Variants in TTN observed in about 807,000 individuals in gnomAD.
TTN encodes connectin.
Under a neutral mutation model 3,223.0 loss-of-function variants are expected in TTN, and 1,525 were observed. That is an observed-to-expected ratio of 0.47 (90% CI 0.45 to 0.49). The LOEUF is 0.49. Ranked by LOEUF, TTN falls within the 20% of genes least tolerant of loss-of-function variation. The pLI is 0.00. For synonymous variants in TTN, 14,094 were observed against 15,161.0 expected, an observed-to-expected ratio of 0.93 and a Z score of 5.17; for missense variants, 40,786 against 43,424.0, an observed-to-expected ratio of 0.94 and a Z score of 5.40.
rs1479314545 is a variant in TTN, at chr2:178,749,783, T to C, written c.11311+3341A>G. On this transcript the variant is annotated intron_variant, in intron 47 of 362. Transcript: ENST00000589042. ...GTGGCTACAATTAACTTCTTCAAAC[T>C]GAAACTTCTGGTTCTGCTTTAAAAG... 3.7e-6 allele frequency: 6 copies of C among 1,613,112 alleles called. No individual in the cohort carries two copies. The highest frequency in any genetic ancestry group is 5.1e-6 in the Non-Finnish European group (6 of 1,179,412).
chr2:178,542,210 G>A lies in TTN; in HGVS notation c.97492+54C>T. 8 of 1,499,444 alleles carry A rather than the reference G, an allele frequency of 5.3e-6. No homozygotes were observed. In the South Asian group the frequency reaches 6.4e-5, roughly 12 times the overall value. The allele number at this position is 1,499,444 out of a possible 1,614,324, so 92.9% of individuals were successfully genotyped here. A position where few individuals can be genotyped will look rare whatever the true frequency, so the allele number is the denominator to read the frequency against. The stretch of plus-strand genomic sequence containing the variant: ...GCATATTAAAAACAAATTCTTTTTT[G>A]TTAACATTCAGAATCAGAGGTGGGG... On this transcript the variant is annotated intron_variant, in intron 349 of 362. Coordinates refer to ENST00000589042, the MANE Select transcript of TTN (RefSeq NM_001267550.2).
At chr2:178,746,042 C>G in intron 47 of TTN, 1 of 1,613,430 alleles carries the variant, frequency 6.2e-7, no homozygotes, top group Non-Finnish European at 8.5e-7. Flanking sequence ...CACAGCTCTG[C>G]ACCTGTATGT....
chr2:178,573,934 A>G lies in TTN; in HGVS notation c.72198T>C (p.Asp24066=), dbSNP rs752014113. ...RPPPTMEWSK[D]GKELEGTAKL... ...TTGCTGTGCCTTCCAGCTCTTTTCCATCTTTGCTCCATTCCATTGTTGGAG... is the reference window on the plus strand; with the variant it reads ...TTGCTGTGCCTTCCAGCTCTTTTCCGTCTTTGCTCCATTCCATTGTTGGAG... Residue 24066 remains aspartate (D), a synonymous_variant, in exon 326 of 363, where the codon GAT becomes GAC. Coordinates refer to ENST00000589042, the MANE Select transcript of TTN (RefSeq NM_001267550.2). 67 of 1,612,914 alleles carry G rather than the reference A, an allele frequency of 4.2e-5. No homozygotes were observed. Among genetic ancestry groups the G allele is most frequent in the Non-Finnish European group, 5.5e-5 (65 of 1,179,406 alleles).
chr2:178,530,431 G>A lies in TTN; in HGVS notation c.106184C>T (p.Ser35395Leu), dbSNP rs778880594. ...TGTTGACTCAGTGGTTTTCTGATCT[G>A]ATTTCTTAGTTTCTGATATTTTTGA... ...KVSKISETKK[S>L]DQKTTESTVT... The change falls in exon 358 of 363, where the codon TCA (serine) becomes TTA (leucine). Residue 35395 changes from serine (S) to leucine (L), a missense_variant. By Grantham distance (145) the Ser-to-Leu change is moderately radical. Transcript: ENST00000589042. 17 of 1,613,956 alleles carry A rather than the reference G, an allele frequency of 1.1e-5. No homozygotes were observed. The highest frequency in any genetic ancestry group is 9.9e-5 in the South Asian group (9 of 91,072).
chr2:178,680,609 C>G (rs1560328084), intron 138 of TTN, among the ~76,000 whole-genome samples: 1 of 151,802 alleles, frequency 6.6e-6, no homozygotes, highest in Non-Finnish European at 1.5e-5. Flanking sequence ...AAGAAATATC[C>G]TTCCTGAAAA....
Position 178,539,489 on chromosome 2 carries a change from C to T in TTN, c.98576G>A (p.Gly32859Asp), listed in dbSNP as rs370747109. 3 of 1,613,650 alleles carry T rather than the reference C, an allele frequency of 1.9e-6. No individual in the cohort carries two copies. Among genetic ancestry groups the T allele is most frequent in the African/African-American group, 2.7e-5 (2 of 74,858 alleles). ...RVRGTSLVVK[G>D]LKENVEYHFR... ...ATGGTATTCTACATTCTCTTTGAGG[C>T]CTTTTACCACCAGAGATGTACCTCG... is the stretch of plus-strand genomic sequence containing the variant. The change falls in exon 352 of 363, where the codon GGC becomes GAC. Residue 32859 changes from glycine to aspartate, a missense_variant. By Grantham distance (94) the Gly-to-Asp change is moderately conservative. Coordinates refer to ENST00000589042, the MANE Select transcript of TTN (RefSeq NM_001267550.2).
At position 178,560,607 on chromosome 2, in the gene TTN, A is replaced by T. The variant is rs1329788185; in HGVS notation, c.85525T>A (p.Ser28509Thr). Residue 28509 changes from serine (S) to threonine (T), a missense_variant, in exon 326 of 363, where the codon TCC becomes ACC. By Grantham distance (58) the Ser-to-Thr change is moderately conservative. Coordinates refer to ENST00000589042, the MANE Select transcript of TTN (RefSeq NM_001267550.2). The stretch of plus-strand genomic sequence containing the variant: ...TTGAGTAACTTGGTTACTTTACAGG[A>T]TGTCATCTGTAACTCTCCTTCACAT... Reference protein sequence around the residue: ...TICEGELQMTSCKVTKLLKGN... With the variant: ...TICEGELQMTTCKVTKLLKGN... The T allele has an allele frequency of 1.2e-6, 2 of 1,613,446 alleles. No homozygotes were observed. The highest frequency in any genetic ancestry group is 1.7e-6 in the Non-Finnish European group (2 of 1,179,744).
rs775805942 is a variant in TTN, at chr2:178,615,781, T to C, written c.48320A>G (p.Asp16107Gly). Residue 16107 changes from aspartate to glycine, a missense_variant, in exon 258 of 363, where the codon GAC (aspartate) becomes GGC (glycine). By Grantham distance (94) the Asp-to-Gly change is moderately conservative. Coordinates refer to ENST00000589042, the MANE Select transcript of TTN (RefSeq NM_001267550.2). The part of the protein sequence containing the change: ...VSRKTWTKVM[D>G]FVTDLEFTVP... ...TGTGAATTCTAGATCAGTCACAAAG[T>C]CCATAACCTGGGACAAAGAAATACA... 45 of 1,609,274 alleles carry C rather than the reference T, an allele frequency of 2.8e-5. No homozygotes were observed. Among genetic ancestry groups the C allele is most frequent in the Non-Finnish European group, 3.5e-5 (41 of 1,178,002 alleles).
Position 178,591,859 on chromosome 2 carries a change from A to T in TTN, c.59960T>A (p.Val19987Glu), listed in dbSNP as rs2050279012. The change falls in exon 303 of 363, where the codon GTA becomes GAA. Residue 19987 changes from valine to glutamate, a missense_variant. Physicochemically the swap from Val to Glu is moderately radical, Grantham distance 121. Transcript: ENST00000589042. Reference protein sequence around the residue: ...PPGPPKDLHHVDVDKTEVSLV... With the variant: ...PPGPPKDLHHEDVDKTEVSLV... ...GGAGACTTCAGTCTTGTCAACATCTACATGGTGCAGGTCCTTGGGTGGCCC... is the reference window on the plus strand; with the variant it reads ...GGAGACTTCAGTCTTGTCAACATCTTCATGGTGCAGGTCCTTGGGTGGCCC... 1 of 1,613,244 alleles carries T rather than the reference A, an allele frequency of 6.2e-7. No individual in the cohort carries two copies. The highest frequency in any genetic ancestry group is 8.5e-7 in the Non-Finnish European group (1 of 1,179,544).
In TTN at chr2:178,639,746, G is replaced by A; in HGVS notation, c.40829C>T (p.Thr13610Ile). 1 of 1,609,304 alleles carries A rather than the reference G, an allele frequency of 6.2e-7. No homozygotes were observed. Among genetic ancestry groups the A allele is most frequent in the Non-Finnish European group, 8.5e-7 (1 of 1,177,802 alleles). The change falls in exon 223 of 363, where the codon ACC becomes ATC. Residue 13610 changes from threonine to isoleucine, a missense_variant. Physicochemically the swap from Thr to Ile is moderately conservative, Grantham distance 89 (BLOSUM62 -1). Coordinates refer to ENST00000589042, the MANE Select transcript of TTN (RefSeq NM_001267550.2). ...IKPPPVEPEP[T>I]PIAAPVTVPV... is the part of the protein sequence containing the mutation. ...CACTGTTACTGGGGCAGCGATGGGG[G>A]TTGGTTCAGGTTCCACAGGAGGTGG... is the stretch of plus-strand genomic sequence containing the variant.
chr2:178,685,571 A>G lies in TTN; in HGVS notation c.32339T>C (p.Val10780Ala), dbSNP rs766326088. 5.0e-6 allele frequency: 8 copies of G among 1,613,766 alleles called. No individual in the cohort carries two copies. In the South Asian group the frequency reaches 6.6e-5, roughly 13 times the overall value. ...AGAAATAATGTGCAGCTTTTCTTCC[A>G]CAACATATTCCTCAGGCTCTTCCAT... Reference protein sequence around the residue: ...EVMEEPEEYVVEEKLHIISKR... With the variant: ...EVMEEPEEYVAEEKLHIISKR... Residue 10780 changes from valine (V) to alanine (A), a missense_variant, in exon 128 of 363, where the codon GTG becomes GCG. Transcript: ENST00000589042.
intron 244 of TTN, 22 bp downstream of exon 244, chr2:178,621,818 C>T (rs1214010435): frequency 5.6e-6 from 9 of 1,611,034 alleles, no homozygotes; most frequent in South Asian, 5.5e-5. Flanking sequence ...ATATACTTCA[C>T]AAAGAATGAC....
In TTN at chr2:178,557,039, A is replaced by G; in HGVS notation, c.88115T>C (p.Val29372Ala). The G allele has an allele frequency of 6.2e-7, 1 of 1,613,814 alleles. No individual in the cohort carries two copies. Among genetic ancestry groups the G allele is most frequent in the Non-Finnish European group, 8.5e-7 (1 of 1,179,838 alleles). Residue 29372 changes from valine to alanine, a missense_variant, in exon 330 of 363, where the codon GTT (valine) becomes GCT (alanine). By Grantham distance (64) the Val-to-Ala change is moderately conservative (BLOSUM62 0). Coordinates refer to ENST00000589042, the MANE Select transcript of TTN (RefSeq NM_001267550.2). ...GCCATCTGGAAGGTCACGTCTCTCA[A>G]CAATGTAGCCTGTAATCTTGCTACC... The part of the protein sequence containing the change: ...DGGSKITGYI[V>A]ERRDLPDGRW...
Position 178,567,332 on chromosome 2 carries a change from C to T in TTN, c.78800G>A (p.Arg26267Lys). ...IRIDGGQYILRASNVAGSKSF... is the reference protein window; with the variant it reads ...IRIDGGQYILKASNVAGSKSF... ...CTTAGAACCTGCAACATTGGAAGCT[C>T]TTAAAATATACTGCCCACCATCAAT... is the stretch of plus-strand genomic sequence containing the variant. Residue 26267 changes from arginine (R) to lysine (K), a missense_variant, in exon 326 of 363, where the codon AGA (arginine) becomes AAA (lysine). Physicochemically the swap from Arg to Lys is conservative, Grantham distance 26 (BLOSUM62 2). Coordinates refer to ENST00000589042, the MANE Select transcript of TTN (RefSeq NM_001267550.2). The T allele has an allele frequency of 1.2e-6, 2 of 1,604,584 alleles. No homozygotes were observed. The highest frequency in any genetic ancestry group is 1.7e-6 in the Non-Finnish European group (2 of 1,176,574).
At position 178,582,445 on chromosome 2, in the gene TTN, G is replaced by T. The variant is rs1379206431; in HGVS notation, c.66011C>A (p.Ala22004Asp). 6.2e-7 allele frequency: 1 copy of T among 1,612,950 alleles called. No individual in the cohort carries two copies. The highest frequency in any genetic ancestry group is 1.7e-5 in the Admixed American group (1 of 59,958). Reference protein sequence around the residue: ...DKRETSRPNWAQVSATVPITS... With the variant: ...DKRETSRPNWDQVSATVPITS... ...GATAGGCACAGTTGCAGAGACTTGAGCCCAGTTGGGCCTGCTTGTTTCACG... is the reference window on the plus strand; with the variant it reads ...GATAGGCACAGTTGCAGAGACTTGATCCCAGTTGGGCCTGCTTGTTTCACG... Residue 22004 changes from alanine to aspartate, a missense_variant, in exon 314 of 363, where the codon GCT becomes GAT. Physicochemically the swap from Ala to Asp is moderately radical, Grantham distance 126. Transcript: ENST00000589042.
At chr2:178,696,715 C>G (rs990078863) in intron 113 of TTN, among the ~76,000 whole-genome samples, 16 of 151,942 alleles carry the variant, frequency 1.1e-4, no homozygotes, top group African/African-American at 3.9e-4. Context: ...TGCATATGAT[C>G]CCTTAGTCAG....
chr2:178,697,253 G>A, intron 112 of TTN, 85 bp from the exon 113 acceptor site: 1 of 1,166,898 alleles, frequency 8.6e-7, no homozygotes, highest in East Asian at 2.7e-5. Flanking sequence ...ATCATTGTTA[G>A]TTGTTTGTAG....
In TTN at chr2:178,719,720, T is replaced by A. The variant is rs373894127; in HGVS notation, c.23772A>T (p.Lys7924Asn). ...TGTCTGCAGACAATTCTCTTCCATC[T>A]TTGAACCACTTGGCTGAGAGTTCTG... is the stretch of plus-strand genomic sequence containing the variant. ...GTPELSAKWF[K>N]DGRELSADSK... Residue 7924 changes from lysine to asparagine, a missense_variant, in exon 82 of 363, where the codon AAA becomes AAT. Lys to Asn is a moderately conservative substitution (Grantham distance 94, BLOSUM62 0). Transcript: ENST00000589042. The A allele has an allele frequency of 1.4e-5, 23 of 1,613,620 alleles. No individual in the cohort carries two copies. Among genetic ancestry groups the A allele is most frequent in the Non-Finnish European group, 1.9e-5 (22 of 1,179,704 alleles).
Position 178,621,471 on chromosome 2 carries a change from A to G in TTN, c.45349+4T>C. 6.2e-7 allele frequency: 1 copy of G among 1,611,906 alleles called. No homozygotes were observed. The highest frequency in any genetic ancestry group is 8.5e-7 in the Non-Finnish European group (1 of 1,178,932). On this transcript the variant is annotated splice_donor_region_variant and intron_variant, in intron 245 of 362. Coordinates refer to ENST00000589042, the MANE Select transcript of TTN (RefSeq NM_001267550.2). ...TAAAAGATTATTCACTGTAGTTTTCATACCATGTACTTTGACTTTGCCATC... is the reference window on the plus strand; with the variant it reads ...TAAAAGATTATTCACTGTAGTTTTCGTACCATGTACTTTGACTTTGCCATC...
Sources: gnomAD v4.1 joint callset for allele counts (sites outside exome capture counted in the v4.1 genomes callset) on GRCh38, gnomAD v4.1.1 for gene constraint, MANE v1.5 for transcripts, NCBI Gene and HGNC (gene_info 2026-07-23, HGNC 2026-07-21) for gene names.